Variants in IL12RB1 observed in about 807,000 individuals in gnomAD.
IL12RB1 encodes interleukin 12 receptor subunit beta 1, also known as interleukin-12 receptor subunit beta-1.
In IL12RB1, 64 loss-of-function variants were observed where a neutral mutation model predicts 94.4. The observed-to-expected ratio is 0.68, with a 90% CI of 0.55 to 0.83. The LOEUF is 0.83. Among genes scored for constraint, IL12RB1 ranks in the 40% least tolerant of loss-of-function variants. The pLI is 0.00. For synonymous variants in IL12RB1, 362 were observed against 355.5 expected, an observed-to-expected ratio of 1.02 and a Z score of -0.21; for missense variants, 814 against 855.6, an observed-to-expected ratio of 0.95 and a Z score of 0.61.
At chr19:18,096,026 C>T (rs2036884986) in intron 1 of IL12RB1, among the ~76,000 whole-genome samples, 1 of 152,010 alleles carries the variant, frequency 6.6e-6, no homozygotes. Flanking sequence ...GAGTTCGAGA[C>T]CAGCGCGGGA....
upstream of IL12RB1, among the ~76,000 whole-genome samples, chr19:18,087,274 A>G (rs1434941542): frequency 5.4e-5 from 8 of 148,488 alleles, no homozygotes; most frequent in East Asian, 9.9e-4. Flanking sequence ...TGGTGGCATG[A>G]TCTCCACTCA....
chr19:18,069,773 C>T, intron 9 of IL12RB1, 60 bp from the exon 10 acceptor site: 1 of 1,235,912 alleles, frequency 8.1e-7, no homozygotes, highest in Non-Finnish European at 1.2e-6. Flanking sequence ...CAGTCCCCTT[C>T]TCTGGCTCCT....
intron 1 of IL12RB1, among the ~76,000 whole-genome samples, chr19:18,084,689 C>CATA: frequency 1.6e-5 from 2 of 125,318 alleles, no homozygotes; most frequent in African/African-American, 7.4e-5. Flanking sequence ...ATCCATCCAT[C>CATA]CATCCATCCA....
chr19:18,095,893 G>A (rs77699413), intron 1 of IL12RB1, among the ~76,000 whole-genome samples: 86 of 152,178 alleles, frequency 5.7e-4, no homozygotes, highest in African/African-American at 2.0e-3. Flanking sequence ...AGACAACTGC[G>A]GCTGCAGAGA....
At chr19:18,062,041 T>C (rs2034175031) in intron 14 of IL12RB1, 140 bp downstream of exon 14, 2 of 629,402 alleles carry the variant, frequency 3.2e-6, no homozygotes, top group South Asian at 3.5e-5. Flanking sequence ...AATAAAGCTG[T>C]TTTCTTCTAC....
At chr19:18,091,991 C>T (rs1156730948), upstream of IL12RB1, among the ~76,000 whole-genome samples, 1 of 151,510 alleles carries the variant, frequency 6.6e-6, no homozygotes, top group South Asian at 2.1e-4. Flanking sequence ...ATTCTCCTGC[C>T]TCAGCCTCCT....
intron 7 of IL12RB1, 27 bp downstream of exon 7, chr19:18,075,722 C>T (rs780373758): frequency 3.6e-5 from 58 of 1,603,292 alleles, no homozygotes; most frequent in Non-Finnish European, 4.9e-5. Context: ...ATGCTTGCCC[C>T]TGTTCCTGTA....
chr19:18,069,723 G>A lies in IL12RB1; in HGVS notation c.1022-10C>T. On this transcript the variant is annotated splice_polypyrimidine_tract_variant and intron_variant, in intron 9 of 16. Coordinates refer to ENST00000593993, the MANE Select transcript of IL12RB1 (RefSeq NM_005535.3). ...TTCAGAGCCACTGGTTCTGGAAGGAGAGGGGAGAGACGCATCGAGACAGTT... is the reference window on the plus strand; with the variant it reads ...TTCAGAGCCACTGGTTCTGGAAGGAAAGGGGAGAGACGCATCGAGACAGTT... 6.2e-7 allele frequency: 1 copy of A among 1,602,240 alleles called. No individual in the cohort carries two copies. The highest frequency in any genetic ancestry group is 8.5e-7 in the Non-Finnish European group (1 of 1,170,516).
At chr19:18,064,475 GA>G (rs1202745199) in intron 12 of IL12RB1, among the ~76,000 whole-genome samples, 2 of 114,634 alleles carry the variant, frequency 1.7e-5, no homozygotes, top group Admixed American at 8.6e-5. Context: ...TTCATCTCAA[GA>G]TTTTTTTTTT....
intron 11 of IL12RB1, among the ~76,000 whole-genome samples, chr19:18,067,326 GAAAAAAAAAAAA>G (rs57327846): frequency 3.6e-5 from 3 of 82,608 alleles, no homozygotes; most frequent in African/African-American, 8.7e-5. Flanking sequence ...TCTGTCTCAA[GAAAAAAAAAAAA>G]AAAAAAAAAA....
rs1248183638 is a variant in IL12RB1 at position 18,067,906 on chromosome 19, G to A, written c.1327+483C>T. Reference sequence around the variant, plus strand: ...AGACGGGGTCTTGCTATGTTGCCCAGGCTGTTCTTGAACTCCTGGGTTCAA... The same window carrying A: ...AGACGGGGTCTTGCTATGTTGCCCAAGCTGTTCTTGAACTCCTGGGTTCAA... On this transcript the variant is annotated intron_variant, in intron 11 of 16. Transcript: ENST00000593993. 2.0e-5 allele frequency among the ~76,000 whole-genome samples: 3 copies of A among 151,970 alleles called. No homozygotes were observed. In the East Asian group the frequency reaches 5.8e-4, roughly 29 times the overall value.
Position 18,068,661 on chromosome 19 carries a change from C to A in IL12RB1, c.1190-135G>T, listed in dbSNP as rs367838016. 3 of 721,298 alleles carry A rather than the reference C, an allele frequency of 4.2e-6. No individual in the cohort carries two copies. The African/African-American group carries it at 5.2e-5, about 13-fold the overall frequency. The allele number at this position is 721,298 out of a possible 1,614,324, so 44.7% of individuals were successfully genotyped here. A position where few individuals can be genotyped will look rare whatever the true frequency, so the allele number is the denominator to read the frequency against. On this transcript the variant is annotated intron_variant, in intron 10 of 16. Coordinates refer to ENST00000593993, the MANE Select transcript of IL12RB1 (RefSeq NM_005535.3). Reference sequence around the variant, plus strand: ...TTTCAAAGCCCTTGCACCAATATCCCCTCCTCCAAGATCTCTTCCCTATGC... The same window carrying A: ...TTTCAAAGCCCTTGCACCAATATCCACTCCTCCAAGATCTCTTCCCTATGC...
At chr19:18,072,960 A>G (rs1352438488) in intron 8 of IL12RB1, among the ~76,000 whole-genome samples, 3 of 145,376 alleles carry the variant, frequency 2.1e-5, no homozygotes, top group Non-Finnish European at 4.7e-5. Context: ...AAAAAAAAAA[A>G]AAAAAGGAAA....
intron 12 of IL12RB1, among the ~76,000 whole-genome samples, chr19:18,064,864 C>T (rs949649001): frequency 7.9e-5 from 12 of 152,130 alleles, no homozygotes; most frequent in Non-Finnish European, 1.8e-4. Context: ...AAACTGAGGA[C>T]TAGCTAAAGC....
At chr19:18,082,105 G>T in intron 3 of IL12RB1, 45 bp downstream of exon 3, 1 of 1,220,690 alleles carries the variant, frequency 8.2e-7, no homozygotes, top group Non-Finnish European at 1.2e-6. Flanking sequence ...TGAAGCAAGA[G>T]TGGGATGGTG....
chr19:18,069,718 A>T lies in IL12RB1; in HGVS notation c.1022-5T>A. ...TGATATTCAGAGCCACTGGTTCTGG[A>T]AGGAGAGGGGAGAGACGCATCGAGA... On this transcript the variant is annotated splice_polypyrimidine_tract_variant and splice_region_variant and intron_variant, in intron 9 of 16. Coordinates refer to ENST00000593993, the MANE Select transcript of IL12RB1 (RefSeq NM_005535.3). 6.2e-7 allele frequency: 1 copy of T among 1,607,036 alleles called. No homozygotes were observed. The highest frequency in any genetic ancestry group is 8.5e-7 in the Non-Finnish European group (1 of 1,174,690).
intron 10 of IL12RB1, among the ~76,000 whole-genome samples, chr19:18,069,195 C>A (rs1048285498): frequency 6.6e-6 from 1 of 152,182 alleles, no homozygotes; most frequent in African/African-American, 2.4e-5. Flanking sequence ...CCTCACGGCC[C>A]CCCTTTCCCT....
chr19:18,060,146 ATGGAACGGACCAGGTCACTGC>A (rs1280793324), intron 15 of IL12RB1, 61 bp from the exon 16 acceptor site: 2 of 915,522 alleles, frequency 2.2e-6, no homozygotes, highest in Non-Finnish European at 3.5e-6. Context: ...CCACAGCAGG[ATGGAACGGACCAGGTCACTGC>A]TGGTTAAATT....
rs34844088 is a variant in IL12RB1 at position 18,072,187 on chromosome 19, C to T, written c.946G>A (p.Val316Met). 9.3e-6 allele frequency: 15 copies of T among 1,614,122 alleles called. No homozygotes were observed. The highest frequency in any genetic ancestry group is 1.3e-5 in the African/African-American group (1 of 75,052). Reference protein sequence around the residue: ...MPYLSGAAYNVAVISSNQFGP... With the variant: ...MPYLSGAAYNMAVISSNQFGP... ...AATTGGTTCGAGGAGATGACAGCCA[C>T]GTTGTAGGCAGCACCCGAGAGATAG... The change falls in exon 9 of 17, where the codon GTG (valine) becomes ATG (methionine). Residue 316 changes from valine to methionine, a missense_variant. Coordinates refer to ENST00000593993, the MANE Select transcript of IL12RB1 (RefSeq NM_005535.3).
Sources: gnomAD v4.1 joint callset for allele counts (sites outside exome capture counted in the v4.1 genomes callset) on GRCh38, gnomAD v4.1.1 for gene constraint, MANE v1.5 for transcripts, NCBI Gene and HGNC (gene_info 2026-07-23, HGNC 2026-07-21) for gene names.